The following SLIT2 variants were observed in gnomAD, a reference collection of about 807,000 sequenced individuals.
SLIT2 encodes slit guidance ligand 2, also known as slit homolog 2 protein.
Under a neutral mutation model 185.7 loss-of-function variants are expected in SLIT2, and 41 were observed. The ratio of observed to expected loss-of-function variants is 0.22; its 90% confidence interval spans 0.17 to 0.29. The LOEUF (loss-of-function observed/expected upper bound fraction) is 0.29, where lower values mean the gene tolerates loss of function less well. SLIT2 is among the 10% of genes least tolerant of loss of function. SLIT2 has a pLI of 1.00. For synonymous variants in SLIT2, 693 were observed against 680.2 expected (o/e 1.02, Z -0.29); for missense variants, 1,571 against 1,909.0 (o/e 0.82, Z 3.30).
intron 4 of SLIT2, among the ~76,000 whole-genome samples, chr4:20,297,737 C>T (rs1339494296): frequency 6.6e-6 from 1 of 152,074 alleles, no homozygotes; most frequent in African/African-American, 2.4e-5. Flanking sequence ...TAAATCATGG[C>T]ATTTTCCTTC....
At chr4:20,342,399 T>C (rs376783496) in intron 4 of SLIT2, among the ~76,000 whole-genome samples, 2 of 152,262 alleles carry the variant, frequency 1.3e-5, no homozygotes, top group East Asian at 3.9e-4. Flanking sequence ...TGTTGATATC[T>C]GGGATAATCA....
intron 3 of SLIT2, among the ~76,000 whole-genome samples, chr4:20,264,554 T>C (rs28546989): frequency 0.24 from 36,817 of 151,666 alleles, 5,013 homozygotes; most frequent in Middle Eastern, 0.35. Context: ...AGTAAGAGAC[T>C]ATGACCTCTG....
intron 4 of SLIT2, among the ~76,000 whole-genome samples, chr4:20,461,200 G>T (rs747694287): frequency 2.6e-5 from 4 of 152,106 alleles, no homozygotes; most frequent in Non-Finnish European, 4.4e-5. Flanking sequence ...GAGGCAAAAA[G>T]AAAATGTGCA....
intron 4 of SLIT2, among the ~76,000 whole-genome samples, chr4:20,292,433 C>T (rs765423079): frequency 5.3e-5 from 8 of 152,166 alleles, no homozygotes; most frequent in Middle Eastern, 6.8e-3. Flanking sequence ...GTGAGAGGAT[C>T]GCTTGAGGAC....
Position 20,316,782 on chromosome 4 carries a change from T to C in SLIT2, c.395+47901T>C, listed in dbSNP as rs1268421647. On this transcript the variant is annotated intron_variant, in intron 4 of 36. Coordinates refer to ENST00000504154, the MANE Select transcript of SLIT2 (RefSeq NM_004787.4). Reference sequence around the variant, plus strand: ...TATGCATTTTTAATTTGTGAGTATATTTGGGTAGCATTATTATATTCCTGG... The same window carrying C: ...TATGCATTTTTAATTTGTGAGTATACTTGGGTAGCATTATTATATTCCTGG... Among the ~76,000 whole-genome samples the C allele has an allele frequency of 6.6e-5, 10 of 151,534 alleles. No homozygotes were observed. The East Asian group carries it at 1.7e-3, about 26-fold the overall frequency.
At chr4:20,336,517 A>C (rs1686001425) in intron 4 of SLIT2, among the ~76,000 whole-genome samples, 1 of 152,102 alleles carries the variant, frequency 6.6e-6, no homozygotes, top group African/African-American at 2.4e-5. Flanking sequence ...AACATCACAC[A>C]CTGGGGCCTC....
chr4:20,309,938 T>A (rs1315953156), intron 4 of SLIT2, among the ~76,000 whole-genome samples: 1 of 151,866 alleles, frequency 6.6e-6, no homozygotes, highest in African/African-American at 2.4e-5. Flanking sequence ...TTTTTGTATT[T>A]TTTTAGTAGA....
At chr4:20,537,291 G>C (rs1019318443) in intron 18 of SLIT2, among the ~76,000 whole-genome samples, 2 of 152,096 alleles carry the variant, frequency 1.3e-5, no homozygotes, top group African/African-American at 4.8e-5. Context: ...GTTGGGCTAT[G>C]GCATTATGAT....
chr4:20,557,019 T>C (rs889438984), intron 26 of SLIT2, among the ~76,000 whole-genome samples: 1 of 152,044 alleles, frequency 6.6e-6, no homozygotes, highest in African/African-American at 2.4e-5. Context: ...ACTCTCTTTA[T>C]TTTTATGAAG....
chr4:20,264,618 T>A (rs1411699938), intron 3 of SLIT2, among the ~76,000 whole-genome samples: 1 of 151,874 alleles, frequency 6.6e-6, no homozygotes, highest in African/African-American at 2.4e-5. Flanking sequence ...AAAACAATGT[T>A]TGTCAATACG....
intron 4 of SLIT2, among the ~76,000 whole-genome samples, chr4:20,428,026 G>A (rs537306581): frequency 6.6e-6 from 1 of 152,222 alleles, no homozygotes; most frequent in East Asian, 1.9e-4. Flanking sequence ...AAGTCAGCAC[G>A]TTCATAATTG....
chr4:20,399,131 A>C (rs1577578522), intron 4 of SLIT2, among the ~76,000 whole-genome samples: 1 of 151,712 alleles, frequency 6.6e-6, no homozygotes, highest in African/African-American at 2.4e-5. Flanking sequence ...TATGGTAAAA[A>C]AATTATTTAA....
chr4:20,613,300 A>T (rs147972672), intron 34 of SLIT2, among the ~76,000 whole-genome samples: 1 of 152,234 alleles, frequency 6.6e-6, no homozygotes, highest in Admixed American at 6.5e-5. Context: ...GGTACATATA[A>T]ACCATGAAAT....
intron 4 of SLIT2, among the ~76,000 whole-genome samples, chr4:20,405,032 T>C (rs1726670626): frequency 6.6e-6 from 1 of 151,168 alleles, no homozygotes; most frequent in Non-Finnish European, 1.5e-5. Context: ...GGAGAAAGAC[T>C]CTTCTTGTGC....
intron 4 of SLIT2, among the ~76,000 whole-genome samples, chr4:20,459,250 T>A (rs1368090951): frequency 6.6e-6 from 1 of 152,136 alleles, no homozygotes; most frequent in Non-Finnish European, 1.5e-5. Context: ...TTATTAAGAT[T>A]TGCAAGAGGA....
chr4:20,435,714 C>A (rs2109518008), intron 4 of SLIT2, among the ~76,000 whole-genome samples: 1 of 152,168 alleles, frequency 6.6e-6, no homozygotes, highest in Middle Eastern at 3.4e-3. Flanking sequence ...TGAAGAATAA[C>A]AGGGTGTTGA....
chr4:20,529,852 A>G (rs867956957), intron 16 of SLIT2, among the ~76,000 whole-genome samples: 9 of 152,302 alleles, frequency 5.9e-5, no homozygotes, highest in Middle Eastern at 3.4e-3. Context: ...ATGTTTATAT[A>G]TAGCACCATC....
intron 4 of SLIT2, among the ~76,000 whole-genome samples, chr4:20,298,328 A>G (rs1275656024): frequency 1.3e-5 from 2 of 152,090 alleles, no homozygotes; most frequent in African/African-American, 4.8e-5. Flanking sequence ...ACCTCAGGTG[A>G]TCTGCCTGCC....
chr4:20,552,336 G>T (rs990359917), intron 25 of SLIT2: 1 of 149,834 alleles, frequency 6.7e-6, no homozygotes, highest in Non-Finnish European at 1.5e-5. Flanking sequence ...AGTCTTCCTT[G>T]TTCTGTGCCC....
Sources: allele counts gnomAD v4.1 joint callset (sites outside exome capture counted in the v4.1 genomes callset), GRCh38; gene constraint gnomAD v4.1.1; transcripts MANE v1.5; gene names NCBI Gene and HGNC (gene_info 2026-07-23, HGNC 2026-07-21).